Variants in ERI3 observed in about 807,000 individuals in gnomAD.
The protein encoded by ERI3 is ERI1 exoribonuclease family member 3, also known as ERI1 exoribonuclease 3.
A neutral mutation model predicts 44.4 loss-of-function variants in ERI3; 18 were observed. The observed-to-expected ratio is 0.41, with a 90% CI of 0.28 to 0.60. ERI3 has a LOEUF of 0.60. Ranked by LOEUF, ERI3 falls within the 20% of genes least tolerant of loss-of-function variation. The pLI is 0.36. For missense variants in ERI3, 294 were observed against 435.5 expected (o/e 0.68, Z 2.89); for synonymous variants, 183 against 164.8 (o/e 1.11, Z -0.84).
chr1:44,319,858 T>C, intron 3 of ERI3, 114 bp from the exon 4 acceptor site: 1 of 790,470 alleles, frequency 1.3e-6, no homozygotes, highest in Admixed American at 2.2e-5. Flanking sequence ...TGTTTTGGGT[T>C]CATTAGCTCC....
chr1:44,258,271 C>A (rs1644819420), intron 7 of ERI3, among the ~76,000 whole-genome samples: 1 of 152,204 alleles, frequency 6.6e-6, no homozygotes. Flanking sequence ...AGCACTTAGG[C>A]AAAGCACTTT....
intron 6 of ERI3, among the ~76,000 whole-genome samples, chr1:44,291,130 C>A (rs1203194385): frequency 1.3e-5 from 2 of 152,162 alleles, no homozygotes; most frequent in African/African-American, 4.8e-5. Flanking sequence ...GGGGGTCAAG[C>A]TAGGAAATAG....
intron 2 of ERI3, among the ~76,000 whole-genome samples, chr1:44,349,506 T>C (rs1443099612): frequency 6.6e-6 from 1 of 152,142 alleles, no homozygotes; most frequent in Non-Finnish European, 1.5e-5. Context: ...AAATTTTCCA[T>C]TATGAAAAGC....
At chr1:44,353,057 C>A in intron 1 of ERI3, 132 bp from the exon 2 acceptor site, 1 of 1,496,678 alleles carries the variant, frequency 6.7e-7, no homozygotes. Context: ...AAGACAGTGC[C>A]CCCACAGAGC....
At chr1:44,227,417 C>T (rs1402083760) in intron 8 of ERI3, among the ~76,000 whole-genome samples, 1 of 152,162 alleles carries the variant, frequency 6.6e-6, no homozygotes, top group African/African-American at 2.4e-5. Context: ...AGAACCTCAA[C>T]TGTTGCCACA....
chr1:44,335,776 CAAAAAAA>C (rs58557158), intron 3 of ERI3, among the ~76,000 whole-genome samples: 202 of 72,808 alleles, frequency 2.8e-3, no homozygotes, highest in African/African-American at 0.01. Flanking sequence ...AACTCCATCT[CAAAAAAA>C]AAAAAAAAAA....
chr1:44,261,345 C>T (rs923544938), intron 7 of ERI3, among the ~76,000 whole-genome samples: 5 of 152,386 alleles, frequency 3.3e-5, no homozygotes, highest in South Asian at 2.1e-4. Context: ...TCACGCAGGC[C>T]GCCAGCCGAG....
At chr1:44,330,657 G>C (rs959377673) in intron 3 of ERI3, among the ~76,000 whole-genome samples, 2 of 152,218 alleles carry the variant, frequency 1.3e-5, no homozygotes, top group African/African-American at 4.8e-5. Flanking sequence ...GGTGGGGGTA[G>C]CTGGTGTCAA....
chr1:44,338,393 T>C (rs1355789031), intron 3 of ERI3, among the ~76,000 whole-genome samples: 1 of 152,180 alleles, frequency 6.6e-6, no homozygotes, highest in African/African-American at 2.4e-5. Flanking sequence ...GATTCACTTC[T>C]AAGATAGCTC....
chr1:44,264,690 A>AG (rs900116958), intron 7 of ERI3, among the ~76,000 whole-genome samples: 6 of 152,084 alleles, frequency 3.9e-5, no homozygotes, highest in Non-Finnish European at 7.4e-5. Context: ...AGTACAAGGA[A>AG]GGGGGGGCAG....
At chr1:44,222,838 T>A (rs1643934634) in intron 8 of ERI3, among the ~76,000 whole-genome samples, 1 of 152,170 alleles carries the variant, frequency 6.6e-6, no homozygotes, top group Non-Finnish European at 1.5e-5. Flanking sequence ...TGTACATCAA[T>A]GTCATAATCA....
intron 2 of ERI3, among the ~76,000 whole-genome samples, chr1:44,349,206 G>A (rs1005010364): frequency 3.3e-5 from 5 of 152,176 alleles, no homozygotes; most frequent in Non-Finnish European, 7.3e-5. Flanking sequence ...AGGCTGGAGT[G>A]CAGTGGCTCG....
chr1:44,275,158 T>G (rs1186327194), intron 7 of ERI3, among the ~76,000 whole-genome samples: 1 of 152,124 alleles, frequency 6.6e-6, no homozygotes, highest in African/African-American at 2.4e-5. Flanking sequence ...GGTTTTCATT[T>G]TTGTTTGTTT....
At chr1:44,278,477 G>GA (rs746101806) in intron 7 of ERI3, among the ~76,000 whole-genome samples, 8,566 of 79,832 alleles carry the variant, frequency 0.11, 357 homozygotes, top group Middle Eastern at 0.22. Flanking sequence ...ACTGTCTCAG[G>GA]AAAAAAAAAA....
chr1:44,242,372 G>C (rs939615596), intron 8 of ERI3, among the ~76,000 whole-genome samples: 8 of 152,230 alleles, frequency 5.3e-5, no homozygotes, highest in African/African-American at 1.9e-4. Context: ...AAGACTTCAT[G>C]AATCTCACTG....
chr1:44,272,452 AGCGTATATAC>A (rs1645105826), intron 7 of ERI3, among the ~76,000 whole-genome samples: 1 of 152,224 alleles, frequency 6.6e-6, no homozygotes. Context: ...CCCAGGACTC[AGCGTATATAC>A]CATGTATCAC....
At chr1:44,326,533 T>G (rs1646317572) in intron 3 of ERI3, among the ~76,000 whole-genome samples, 1 of 152,248 alleles carries the variant, frequency 6.6e-6, no homozygotes, top group South Asian at 2.1e-4. Context: ...TGCCAAGCCC[T>G]GGCTGGCTGC....
At chr1:44,253,801 GAAGA>G (rs772366739) in intron 7 of ERI3, among the ~76,000 whole-genome samples, 26 of 152,258 alleles carry the variant, frequency 1.7e-4, no homozygotes, top group South Asian at 6.2e-4. Flanking sequence ...GAGACTCGGT[GAAGA>G]AAGAGAGAGG....
At chr1:44,295,392 C>T (rs1331891665) in intron 6 of ERI3, among the ~76,000 whole-genome samples, 1 of 152,226 alleles carries the variant, frequency 6.6e-6, no homozygotes, top group East Asian at 1.9e-4. Context: ...TCATACTCTA[C>T]CTTACTTACC....
Sources: gnomAD v4.1 joint callset for allele counts (sites outside exome capture counted in the v4.1 genomes callset) on GRCh38, gnomAD v4.1.1 for gene constraint, MANE v1.5 for transcripts, NCBI Gene and HGNC (gene_info 2026-07-23, HGNC 2026-07-21) for gene names.